SORBS2: variants seen among roughly 807,000 people sequenced by gnomAD.
The protein encoded by SORBS2 is sorbin and SH3 domain-containing protein 2.
SORBS2 carries 46 observed loss-of-function variants against 97.7 expected under a neutral mutation model. The ratio of observed to expected loss-of-function variants is 0.47; its 90% CI spans 0.37 to 0.60. The LOEUF is 0.60. Among genes scored for constraint, SORBS2 ranks in the 20% least tolerant of loss-of-function variants. The pLI, the probability that SORBS2 is intolerant of heterozygous loss-of-function variation, is 0.00. For synonymous variants in SORBS2, 476 were observed against 473.4 expected, an observed-to-expected ratio of 1.01 and a Z score of -0.07; for missense variants, 1,316 against 1,282.3, an observed-to-expected ratio of 1.03 and a Z score of -0.40.
At chr4:185,686,101 A>G (rs1031095930) in intron 2 of SORBS2, among the ~76,000 whole-genome samples, 4 of 152,214 alleles carry the variant, frequency 2.6e-5, no homozygotes, top group African/African-American at 9.6e-5. Flanking sequence ...ACCAAATTAA[A>G]TTAAATCTTT....
rs142304458 is a variant in SORBS2, at chr4:185,902,979, A to C, written c.-338+53217T>G. On this transcript the variant is annotated intron_variant, in intron 1 of 20. Coordinates refer to the SORBS2 transcript ENST00000284776. ...TGCCTTCACAGAAGTCACTTAACTA[A>C]GTCTAGGTTCCTCATCTGTGAACTG... Among the ~76,000 whole-genome samples the C allele has an allele frequency of 2.6e-4, 39 of 152,304 alleles. No individual in the cohort carries two copies. In the East Asian group the frequency reaches 4.4e-3, roughly 17 times the overall value.
intron 1 of SORBS2, among the ~76,000 whole-genome samples, chr4:185,898,666 C>G (rs1321726460): frequency 6.6e-6 from 1 of 152,080 alleles, no homozygotes; most frequent in Non-Finnish European, 1.5e-5. Context: ...TTGTCTTTAC[C>G]TCTGGGAAAA....
At chr4:185,612,132 T>C (rs146877246) in intron 11 of SORBS2, 152 bp from the exon 24 acceptor site, 69 of 604,254 alleles carry the variant, frequency 1.1e-4, no homozygotes, top group African/African-American at 1.1e-3. Flanking sequence ...AGTAAGGTAC[T>C]AGTGCTTACT....
intron 1 of SORBS2, among the ~76,000 whole-genome samples, chr4:185,806,974 A>G (rs1253272729): frequency 1.3e-5 from 2 of 151,948 alleles, no homozygotes; most frequent in Non-Finnish European, 2.9e-5. Flanking sequence ...GATTGGATGA[A>G]CTCTCCCATT....
At chr4:185,673,649 T>A (rs1392423526) in intron 4 of SORBS2, among the ~76,000 whole-genome samples, 1 of 152,188 alleles carries the variant, frequency 6.6e-6, no homozygotes, top group Non-Finnish European at 1.5e-5. Flanking sequence ...TTGCTATCAT[T>A]GTCCCTGTTT....
chr4:185,712,656 AC>A (rs1562066143), intron 2 of SORBS2, among the ~76,000 whole-genome samples: 1 of 152,052 alleles, frequency 6.6e-6, no homozygotes, highest in Admixed American at 6.6e-5. Context: ...AGTCACAGGC[AC>A]CCCCACCTGG....
chr4:185,588,587 TCTCCTCCCTCCTC>T (rs1554048126), intron 14 of SORBS2, among the ~76,000 whole-genome samples: 5 of 122,860 alleles, frequency 4.1e-5, no homozygotes, highest in African/African-American at 5.4e-5. Flanking sequence ...ATTTTACGTT[TCTCCTCCCTCCTC>T]CTCCTCCCTC....
chr4:185,945,422 A>C (rs1165421079), intron 1 of SORBS2, among the ~76,000 whole-genome samples: 2 of 152,208 alleles, frequency 1.3e-5, no homozygotes. Flanking sequence ...GGTTAGGTCA[A>C]GGGTAGGCAC....
At chr4:185,870,424 C>G (rs886240563) in intron 1 of SORBS2, among the ~76,000 whole-genome samples, 15 of 152,172 alleles carry the variant, frequency 9.9e-5, no homozygotes, top group African/African-American at 3.6e-4. Flanking sequence ...ACAAAGGAGG[C>G]TTATTTGAAA....
chr4:185,776,173 T>G (rs11726184), intron 1 of SORBS2, among the ~76,000 whole-genome samples: 13,778 of 152,302 alleles, frequency 0.09, 733 homozygotes, highest in South Asian at 0.16. Context: ...AGCCAAGCAC[T>G]CTGGGAATAC....
intron 2 of SORBS2, among the ~76,000 whole-genome samples, chr4:185,734,551 G>A (rs1345378014): frequency 6.6e-6 from 1 of 152,050 alleles, no homozygotes; most frequent in African/African-American, 2.4e-5. Flanking sequence ...CTTCCTGTGT[G>A]GCCACTGGTC....
chr4:185,868,218 A>G (rs564029802), intron 1 of SORBS2, among the ~76,000 whole-genome samples: 7 of 131,102 alleles, frequency 5.3e-5, no homozygotes, highest in South Asian at 4.9e-4. Context: ...GTGCAGTGGC[A>G]CGATCTTGGC....
intron 1 of SORBS2, chr4:185,894,166 T>C (rs927107523): frequency 2.0e-5 from 3 of 152,234 alleles, no homozygotes; most frequent in Middle Eastern, 3.4e-3. Flanking sequence ...CACAGAAATA[T>C]GCATGTTTTA....
At chr4:185,663,579 A>G (rs2097551188) in intron 4 of SORBS2, among the ~76,000 whole-genome samples, 1 of 152,210 alleles carries the variant, frequency 6.6e-6, no homozygotes, top group Non-Finnish European at 1.5e-5. Context: ...GCCTGCCCAA[A>G]TCTTCAGAGC....
At chr4:185,671,512 T>G (rs1054465945) in intron 4 of SORBS2, among the ~76,000 whole-genome samples, 1 of 152,218 alleles carries the variant, frequency 6.6e-6, no homozygotes, top group Admixed American at 6.5e-5. Context: ...AACCCATCTC[T>G]TAAAGCCTGT....
chr4:185,761,757 C>T (rs1262669436), intron 2 of SORBS2, among the ~76,000 whole-genome samples: 2 of 152,070 alleles, frequency 1.3e-5, no homozygotes, highest in African/African-American at 2.4e-5. Flanking sequence ...AGTTCCATGC[C>T]CAGCAGTGAG....
At chr4:185,785,893 C>T (rs952719195) in intron 1 of SORBS2, among the ~76,000 whole-genome samples, 1 of 152,074 alleles carries the variant, frequency 6.6e-6, no homozygotes, top group Non-Finnish European at 1.5e-5. Context: ...ATGGGAATAT[C>T]GTTCATTACC....
intron 4 of SORBS2, among the ~76,000 whole-genome samples, chr4:185,642,675 C>G (rs568929662): frequency 6.6e-6 from 1 of 152,136 alleles, no homozygotes; most frequent in Middle Eastern, 3.2e-3. Flanking sequence ...CAAAAAAGTG[C>G]GCTCACTTTT....
At chr4:185,936,832 T>G (rs912464698) in intron 1 of SORBS2, among the ~76,000 whole-genome samples, 1 of 152,166 alleles carries the variant, frequency 6.6e-6, no homozygotes, top group African/African-American at 2.4e-5. Flanking sequence ...CAGCTTCTGC[T>G]CTCACTACCA....
Sources: allele counts gnomAD v4.1 joint callset (sites outside exome capture counted in the v4.1 genomes callset), GRCh38; gene constraint gnomAD v4.1.1; transcripts MANE v1.5; gene names NCBI Gene and HGNC (gene_info 2026-07-23, HGNC 2026-07-21).